Variants in KCNB2 observed in about 807,000 individuals in gnomAD.
KCNB2 encodes the protein delayed rectifier potassium channel protein.
A neutral mutation model predicts 61.5 loss-of-function variants in KCNB2; 15 were observed. The ratio of observed to expected loss-of-function variants is 0.24; its 90% CI spans 0.16 to 0.38. The LOEUF is 0.38. Among genes scored for constraint, KCNB2 ranks in the 10% least tolerant of loss-of-function variants. KCNB2 has a pLI of 1.00. For missense variants in KCNB2, 828 were observed against 1,125.2 expected, an observed-to-expected ratio of 0.74 and a Z score of 3.78; for synonymous variants, 457 against 446.0, an observed-to-expected ratio of 1.02 and a Z score of -0.31.
intron 2 of KCNB2, among the ~76,000 whole-genome samples, chr8:72,600,108 A>T (rs577900271): frequency 6.6e-6 from 1 of 152,352 alleles, no homozygotes; most frequent in Admixed American, 6.5e-5. Context: ...CACCCAAAGG[A>T]TTATAAATCA....
At chr8:72,692,480 A>G (rs1806955027) in intron 2 of KCNB2, among the ~76,000 whole-genome samples, 1 of 152,044 alleles carries the variant, frequency 6.6e-6, no homozygotes, top group Non-Finnish European at 1.5e-5. Flanking sequence ...GTTTGTTGTT[A>G]TTTGTAAAAT....
chr8:72,816,926 C>T (rs16938402), intron 2 of KCNB2, among the ~76,000 whole-genome samples: 10,305 of 152,156 alleles, frequency 0.068, 600 homozygotes, highest in African/African-American at 0.16. Context: ...GCTCAGAAAA[C>T]GTCCAGGTCT....
intron 2 of KCNB2, among the ~76,000 whole-genome samples, chr8:72,593,558 G>A (rs181314146): frequency 1.1e-3 from 167 of 152,252 alleles, no homozygotes; most frequent in African/African-American, 3.9e-3. Context: ...TAATTCCTGG[G>A]CAACTCTAGG....
At chr8:72,586,507 A>C (rs569047340) in intron 2 of KCNB2, among the ~76,000 whole-genome samples, 2 of 152,346 alleles carry the variant, frequency 1.3e-5, no homozygotes, top group East Asian at 1.9e-4. Context: ...AATAGAAAAG[A>C]ACTAAGGAAA....
chr8:72,693,026 A>G (rs554057339), intron 2 of KCNB2, among the ~76,000 whole-genome samples: 37 of 152,316 alleles, frequency 2.4e-4, no homozygotes, highest in African/African-American at 8.9e-4. Context: ...ATAATGAAAA[A>G]ATAAGATATC....
chr8:72,554,780 A>G (rs1015840390), intron 1 of KCNB2, among the ~76,000 whole-genome samples: 1 of 152,138 alleles, frequency 6.6e-6, no homozygotes, highest in African/African-American at 2.4e-5. Context: ...TACTTCTGAA[A>G]GTCACATACT....
At chr8:72,680,758 G>A (rs985784321) in intron 2 of KCNB2, among the ~76,000 whole-genome samples, 9 of 152,130 alleles carry the variant, frequency 5.9e-5, no homozygotes, top group East Asian at 1.9e-4. Flanking sequence ...AGAAATGCAC[G>A]AGATAGAGTA....
rs117072038 is a variant in KCNB2 at position 72,818,735 on chromosome 8, A to G, written c.580-117200A>G. 5.9e-3 allele frequency among the ~76,000 whole-genome samples: 898 copies of G among 151,938 alleles called. 7 individuals are homozygous for G. The highest frequency in any genetic ancestry group is 0.017 in the Middle Eastern group (5 of 294). On this transcript the variant is annotated intron_variant, in intron 2 of 2. Transcript: ENST00000523207. Reference sequence around the variant, plus strand: ...CCTAAAATAAAATTCTTCCTCTTCTACTCCTCCTGATGCCCTCCTTGGTAC... The same window carrying G: ...CCTAAAATAAAATTCTTCCTCTTCTGCTCCTCCTGATGCCCTCCTTGGTAC...
At chr8:72,720,864 G>A (rs74795659) in intron 2 of KCNB2, among the ~76,000 whole-genome samples, 7,898 of 152,042 alleles carry the variant, frequency 0.052, 247 homozygotes, top group Non-Finnish European at 0.068. Context: ...AATACTTTTC[G>A]TTATAACTCT....
chr8:72,855,214 AT>A (rs1353375684), intron 2 of KCNB2, among the ~76,000 whole-genome samples: 2 of 152,186 alleles, frequency 1.3e-5, no homozygotes, highest in Non-Finnish European at 2.9e-5. Flanking sequence ...TATGCCCAAC[AT>A]GGATGTGCTT....
At chr8:72,796,375 T>C (rs1809030868) in intron 2 of KCNB2, among the ~76,000 whole-genome samples, 2 of 152,212 alleles carry the variant, frequency 1.3e-5, no homozygotes, top group African/African-American at 4.8e-5. Flanking sequence ...GATATAAAGA[T>C]AAATATGTTT....
chr8:72,762,882 AATATATAT>A (rs10551590), intron 2 of KCNB2, among the ~76,000 whole-genome samples: 1 of 141,618 alleles, frequency 7.1e-6, no homozygotes, highest in African/African-American at 2.6e-5. Context: ...CATATTAACA[AATATATAT>A]ATATATATAT....
intron 2 of KCNB2, among the ~76,000 whole-genome samples, chr8:72,719,512 T>TA (rs1490459591): frequency 3.3e-5 from 5 of 152,210 alleles, no homozygotes; most frequent in African/African-American, 4.8e-5. Flanking sequence ...ATTAGGCACT[T>TA]ACCAATTTAG....
At chr8:72,682,235 C>G (rs1806768549) in intron 2 of KCNB2, among the ~76,000 whole-genome samples, 1 of 152,030 alleles carries the variant, frequency 6.6e-6, no homozygotes, top group Non-Finnish European at 1.5e-5. Context: ...GCATGGCTAC[C>G]CCACCTAACA....
chr8:72,699,166 C>A (rs1412150695), intron 2 of KCNB2, among the ~76,000 whole-genome samples: 1 of 152,034 alleles, frequency 6.6e-6, no homozygotes, highest in South Asian at 2.1e-4. Context: ...AAGCAAAAAA[C>A]AACATCATTA....
chr8:72,838,196 T>C (rs917715230), intron 2 of KCNB2, among the ~76,000 whole-genome samples: 1 of 152,178 alleles, frequency 6.6e-6, no homozygotes, highest in African/African-American at 2.4e-5. Flanking sequence ...ATATGTGCCA[T>C]GTTGGTTTGC....
At chr8:72,556,279 G>A (rs537596590) in intron 1 of KCNB2, among the ~76,000 whole-genome samples, 2 of 152,238 alleles carry the variant, frequency 1.3e-5, no homozygotes, top group South Asian at 2.1e-4. Context: ...ATAGATGCTA[G>A]TAGGTCATCT....
intron 2 of KCNB2, among the ~76,000 whole-genome samples, chr8:72,677,270 G>A (rs144084592): frequency 6.6e-6 from 1 of 152,290 alleles, no homozygotes; most frequent in East Asian, 1.9e-4. Context: ...CTCCAGAACT[G>A]TGAGACAATA....
intron 2 of KCNB2, among the ~76,000 whole-genome samples, chr8:72,895,535 A>C (rs1252624517): frequency 6.6e-6 from 1 of 152,216 alleles, no homozygotes; most frequent in African/African-American, 2.4e-5. Context: ...TTTCAGCTAC[A>C]GAACTGCCAG....
Sources: gnomAD v4.1 joint callset for allele counts (sites outside exome capture counted in the v4.1 genomes callset) on GRCh38, gnomAD v4.1.1 for gene constraint, MANE v1.5 for transcripts, NCBI Gene and HGNC (gene_info 2026-07-23, HGNC 2026-07-21) for gene names.